Variants in FRMD8 observed in about 807,000 individuals in gnomAD.
FRMD8 encodes the protein FERM domain-containing protein 8.
FRMD8 carries 37 observed loss-of-function variants against 54.2 expected under a neutral mutation model. The ratio of observed to expected loss-of-function variants is 0.68; its 90% CI spans 0.53 to 0.90. FRMD8 has a LOEUF of 0.90. FRMD8 is among the 40% of genes least tolerant of loss of function. The pLI is 0.00. For synonymous variants in FRMD8, 246 were observed against 286.9 expected (o/e 0.86, Z 1.44); for missense variants, 585 against 653.7 (o/e 0.89, Z 1.15).
chr11:65,377,916 A>G, the FRMD8 span: 8 of 152,322 alleles, frequency 5.3e-5, no homozygotes, highest in African/African-American at 1.9e-4. Context: ...TGTGACAGGT[A>G]CATGGGCTCA....
rs547119974 is a variant in FRMD8 at position 65,404,036 on chromosome 11, C to T, written c.1072-828C>T. 2.6e-5 allele frequency among the ~76,000 whole-genome samples: 4 copies of T among 152,274 alleles called. No individual in the cohort carries two copies. Among genetic ancestry groups the T allele is most frequent in the Non-Finnish European group, 4.4e-5 (3 of 67,998 alleles). Reference sequence around the variant, plus strand: ...AGAGCCCACCAGGCCTCTGCTCTTCCTTCTGGGCCGAGCAGCGGTGCCCAC... The same window carrying T: ...AGAGCCCACCAGGCCTCTGCTCTTCTTTCTGGGCCGAGCAGCGGTGCCCAC... On this transcript the variant is annotated intron_variant, in intron 9 of 10. Coordinates refer to ENST00000317568, the MANE Select transcript of FRMD8 (RefSeq NM_031904.5). This position sits in a 1 kb window ranked among gnomAD's most constrained non-coding sequence, Gnocchi z 4.7.
At chr11:65,409,538 G>A (rs1468878557) in intron 10 of FRMD8, among the ~76,000 whole-genome samples, 1 of 151,974 alleles carries the variant, frequency 6.6e-6, no homozygotes, top group Non-Finnish European at 1.5e-5. Context: ...TTGGGAGGCC[G>A]AGGCAGGCAG....
Position 65,404,897 on chromosome 11 carries a change from A to G in FRMD8, c.1105A>G (p.Ile369Val), listed in dbSNP as rs1244297007. Residue 369 changes from isoleucine to valine, a missense_variant, in exon 10 of 11, where the codon ATC (isoleucine) becomes GTC (valine). By Grantham distance (29) the Ile-to-Val change is conservative (BLOSUM62 3). Coordinates refer to ENST00000317568, the MANE Select transcript of FRMD8 (RefSeq NM_031904.5). The surrounding 1 kb of genome is among the most constrained non-coding windows in gnomAD (Gnocchi z 4.7). ...GATGAGCAGTCTCATTGAGTACTGC[A>G]TCGAACTGAGCCAGGCGGCGGAGCC... ...ELMSSLIEYC[I>V]ELSQAAEPAG... is the part of the protein sequence containing the mutation. 10 of 1,613,214 alleles carry G rather than the reference A, an allele frequency of 6.2e-6. No individual in the cohort carries two copies. The highest frequency in any genetic ancestry group is 8.5e-6 in the Non-Finnish European group (10 of 1,180,004).
At chr11:65,398,717 G>A (rs747761441) in intron 7 of FRMD8, among the ~76,000 whole-genome samples, 1 of 152,236 alleles carries the variant, frequency 6.6e-6, no homozygotes, top group East Asian at 1.9e-4. Flanking sequence ...TGTGCTGACC[G>A]GCAGGTGGCC....
At chr11:65,382,021 T>G, upstream of FRMD8, 1 of 1,313,718 alleles carries the variant, frequency 7.6e-7, no homozygotes, top group South Asian at 1.2e-5. The surrounding 1 kb of genome is among the most constrained non-coding windows in gnomAD (Gnocchi z 4.4). Context: ...CTCCCTCCCC[T>G]GGCCCACGCT....
At chr11:65,370,081 G>T in the FRMD8 span, among the ~76,000 whole-genome samples, 1 of 151,272 alleles carries the variant, frequency 6.6e-6, no homozygotes, top group African/African-American at 2.4e-5. Context: ...AATTAGCTGG[G>T]CAAGGTGGCA....
intron 10 of FRMD8, among the ~76,000 whole-genome samples, chr11:65,405,451 GTC>G: frequency 6.6e-6 from 1 of 152,206 alleles, no homozygotes; most frequent in South Asian, 2.1e-4. Flanking sequence ...GTGAAACCCT[GTC>G]TCTACTAAAA....
chr11:65,384,255 G>T (rs1855694659), upstream of FRMD8, among the ~76,000 whole-genome samples: 1 of 152,002 alleles, frequency 6.6e-6, no homozygotes, highest in Non-Finnish European at 1.5e-5. Context: ...GGGGTTCAAG[G>T]CCTCCCCCAT....
chr11:65,393,163 G>T (rs912833583), intron 3 of FRMD8, among the ~76,000 whole-genome samples: 2 of 152,130 alleles, frequency 1.3e-5, no homozygotes, highest in African/African-American at 2.4e-5. Flanking sequence ...CTCTGCCAGT[G>T]GGGGGGCAAG....
intron 2 of FRMD8, among the ~76,000 whole-genome samples, chr11:65,388,096 G>A (rs1014182045): frequency 1.3e-5 from 2 of 151,932 alleles, no homozygotes; most frequent in Non-Finnish European, 2.9e-5. Context: ...CCTGAGAGGC[G>A]GAGGTTGCGG....
the FRMD8 span, chr11:65,381,577 T>TC: frequency 1.8e-5 from 3 of 163,524 alleles, no homozygotes; most frequent in Non-Finnish European, 2.6e-5. Context: ...TTTTTTTTTT[T>TC]TTTTTTTTGT....
intron 7 of FRMD8, among the ~76,000 whole-genome samples, chr11:65,399,527 G>A (rs1441823354): frequency 2.0e-5 from 3 of 152,260 alleles, no homozygotes; most frequent in South Asian, 4.1e-4. Context: ...GTGCCATCAG[G>A]CCCTTCTCCC....
At chr11:65,381,825 T>G, upstream of FRMD8, 2 of 1,532,918 alleles carry the variant, frequency 1.3e-6, no homozygotes, top group Non-Finnish European at 1.8e-6. Context: ...AACTCAGACT[T>G]TGGTCTCTGC....
chr11:65,401,226 G>A (rs1295146763), intron 9 of FRMD8, among the ~76,000 whole-genome samples: 4 of 151,994 alleles, frequency 2.6e-5, no homozygotes, highest in Admixed American at 6.5e-5. Flanking sequence ...GCGTGGAAAC[G>A]TTGGGCCTCT....
At chr11:65,370,708 A>G in the FRMD8 span, among the ~76,000 whole-genome samples, 1,158 of 151,980 alleles carry the variant, frequency 7.6e-3, 13 homozygotes, top group African/African-American at 0.026. Context: ...TCAAAAAAAA[A>G]AAAAGTTAAA....
chr11:65,404,817 A>T lies in FRMD8; in HGVS notation c.1072-47A>T, dbSNP rs746805187. On this transcript the variant is annotated intron_variant, in intron 9 of 10. Transcript: ENST00000317568. The surrounding 1 kb of genome is among the most constrained non-coding windows in gnomAD (Gnocchi z 4.7). ...GCTCATTTCAGGCTCAGCAACAGGC[A>T]TGGAAGGGGGCCCTGGCCAGGCCTC... is the stretch of plus-strand genomic sequence containing the variant. 6.6e-7 allele frequency: 1 copy of T among 1,520,354 alleles called. No individual in the cohort carries two copies. The highest frequency in any genetic ancestry group is 9.1e-7 in the Non-Finnish European group (1 of 1,102,286). The allele number at this position is 1,520,354 out of a possible 1,614,324, so 94.2% of individuals were successfully genotyped here. A position where few individuals can be genotyped will look rare whatever the true frequency, so the allele number is the denominator to read the frequency against.
At chr11:65,371,741 A>G in the FRMD8 span, among the ~76,000 whole-genome samples, 1 of 152,114 alleles carries the variant, frequency 6.6e-6, no homozygotes, top group South Asian at 2.1e-4. Flanking sequence ...CAGCCTCCCA[A>G]GTAACTGTGA....
At position 65,400,953 on chromosome 11, in the gene FRMD8, G is replaced by T; in HGVS notation, c.1071+86G>T. The T allele has an allele frequency of 2.1e-6, 3 of 1,436,436 alleles. No homozygotes were observed. The highest frequency in any genetic ancestry group is 2.8e-6 in the Non-Finnish European group (3 of 1,073,634). 89.0% of individuals were successfully genotyped at this position (1,436,436 alleles called of 1,614,324 possible). A position where few individuals can be genotyped will look rare whatever the true frequency, so the allele number is the denominator to read the frequency against. On this transcript the variant is annotated intron_variant, in intron 9 of 10. Transcript: ENST00000317568. The surrounding 1 kb of genome is among the most constrained non-coding windows in gnomAD (Gnocchi z 4.3). Reference sequence around the variant, plus strand: ...GACAATTAGAGGCACCAGGCTGGCGGGCAAGGAGGTGAGAAGCTGCCTTGG... The same window carrying T: ...GACAATTAGAGGCACCAGGCTGGCGTGCAAGGAGGTGAGAAGCTGCCTTGG...
At chr11:65,405,130 G>A in intron 10 of FRMD8, 62 bp downstream of exon 10, 5 of 1,506,016 alleles carry the variant, frequency 3.3e-6, no homozygotes, top group Non-Finnish European at 4.6e-6. Context: ...ACACCGGGGG[G>A]AGTTCCTGAG....
Sources: allele counts gnomAD v4.1 joint callset (sites outside exome capture counted in the v4.1 genomes callset), GRCh38; gene constraint gnomAD v4.1.1; non-coding constraint Gnocchi (gnomAD v3.1); transcripts MANE v1.5; gene names NCBI Gene and HGNC (gene_info 2026-07-23, HGNC 2026-07-21).